CRYL1: variants seen among roughly 807,000 people sequenced by gnomAD.
CRYL1 encodes the protein crystallin lambda 1.
In CRYL1, 29 loss-of-function variants were observed where a neutral mutation model predicts 36.6. That is an observed-to-expected ratio of 0.79 (90% CI 0.59 to 1.08). CRYL1 has a LOEUF of 1.08. CRYL1 is among the 50% of genes least tolerant of loss of function. The pLI is 0.00. For synonymous variants in CRYL1, 152 were observed against 151.5 expected (o/e 1.00, Z -0.02); for missense variants, 411 against 407.9 (o/e 1.01, Z -0.06).
At chr13:20,427,044 A>G (rs1337263032) in intron 5 of CRYL1, 1 of 985,516 alleles carries the variant, frequency 1.0e-6, no homozygotes, top group Non-Finnish European at 1.2e-6. Flanking sequence ...GCACCTCCAC[A>G]TACCCTGCCC....
intron 3 of CRYL1, among the ~76,000 whole-genome samples, chr13:20,458,898 A>T (rs1332844021): frequency 6.6e-6 from 1 of 152,204 alleles, no homozygotes; most frequent in Non-Finnish European, 1.5e-5. Context: ...GTGCCCTTTT[A>T]AAAAACATTT....
rs1211023567 is a variant in CRYL1 at position 20,425,642 on chromosome 13, A to AC, written c.633+6459dup. On this transcript the variant is annotated intron_variant, in intron 5 of 7. Transcript: ENST00000298248. The surrounding 1 kb of genome is among the most constrained non-coding windows in gnomAD (Gnocchi z 4.4). ...CAAAGGACCATTCACCTCCAAGTGA[A>AC]CATAGCACATGTGAGAGAAATGTAA... 6.6e-6 allele frequency among the ~76,000 whole-genome samples: 1 copy of AC among 152,208 alleles called. No individual in the cohort carries two copies. The highest frequency in any genetic ancestry group is 1.5e-5 in the Non-Finnish European group (1 of 68,026).
chr13:20,480,636 C>T (rs1593474737), intron 3 of CRYL1, among the ~76,000 whole-genome samples: 2 of 152,204 alleles, frequency 1.3e-5, no homozygotes, highest in African/African-American at 4.8e-5. Context: ...GCAGGTCCCA[C>T]GATGTCTGAG....
At chr13:20,504,247 C>T (rs2033753080) in intron 2 of CRYL1, among the ~76,000 whole-genome samples, 1 of 151,638 alleles carries the variant, frequency 6.6e-6, no homozygotes. Context: ...TCTGTAGGTC[C>T]GTGTTACAAC....
chr13:20,510,543 T>C (rs556855810), intron 2 of CRYL1, among the ~76,000 whole-genome samples: 1 of 151,754 alleles, frequency 6.6e-6, no homozygotes, highest in Admixed American at 6.6e-5. Context: ...TTCTGTGTAA[T>C]ACTACAAGGG....
At chr13:20,406,236 A>G (rs1172549125) in intron 6 of CRYL1, 2 of 152,104 alleles carry the variant, frequency 1.3e-5, no homozygotes, top group Non-Finnish European at 2.9e-5. Context: ...TAAAATACGA[A>G]CCATCGGTAC....
intron 2 of CRYL1, among the ~76,000 whole-genome samples, chr13:20,501,575 T>C (rs6490589): frequency 0.87 from 132,598 of 152,210 alleles, 60,390 homozygotes; most frequent in East Asian, 1. Context: ...GGTCTGAGGA[T>C]CTGAAGAGCT....
At chr13:20,511,173 C>G (rs1249152279) in intron 2 of CRYL1, among the ~76,000 whole-genome samples, 1 of 152,176 alleles carries the variant, frequency 6.6e-6, no homozygotes, top group East Asian at 1.9e-4. Flanking sequence ...TAGCCTGGAA[C>G]TACTGGGCTC....
chr13:20,471,880 TCTCA>T (rs1220515361), intron 3 of CRYL1, among the ~76,000 whole-genome samples: 2 of 151,820 alleles, frequency 1.3e-5, no homozygotes, highest in Non-Finnish European at 2.9e-5. Context: ...TGAGACGTAG[TCTCA>T]CTCTTGTTGC....
intron 2 of CRYL1, among the ~76,000 whole-genome samples, chr13:20,507,420 A>G (rs2033812826): frequency 1.3e-5 from 2 of 152,190 alleles, no homozygotes; most frequent in African/African-American, 4.8e-5. Flanking sequence ...AATATTTACT[A>G]TCTGGTCTTT....
chr13:20,433,366 A>T (rs1262520630), intron 4 of CRYL1, among the ~76,000 whole-genome samples: 1 of 152,234 alleles, frequency 6.6e-6, no homozygotes, highest in Non-Finnish European at 1.5e-5. Flanking sequence ...CAAGTATACC[A>T]CAGCAAACAG....
intron 3 of CRYL1, among the ~76,000 whole-genome samples, chr13:20,453,357 AG>A (rs1337436122): frequency 6.6e-6 from 1 of 152,148 alleles, no homozygotes; most frequent in Non-Finnish European, 1.5e-5. Context: ...TCTACAGTCA[AG>A]GTGAAATTCT....
intron 1 of CRYL1, among the ~76,000 whole-genome samples, chr13:20,514,912 C>CA (rs34317918): frequency 6.6e-6 from 1 of 151,660 alleles, no homozygotes; most frequent in Non-Finnish European, 1.5e-5. Context: ...AACATGTCCA[C>CA]AAAAAAACTT....
At chr13:20,447,055 C>T (rs924144137) in intron 3 of CRYL1, among the ~76,000 whole-genome samples, 2 of 152,198 alleles carry the variant, frequency 1.3e-5, no homozygotes, top group Admixed American at 1.3e-4. Context: ...TGGAGCTGCA[C>T]ACAGATTAAC....
At chr13:20,503,179 A>C (rs148940224) in intron 2 of CRYL1, among the ~76,000 whole-genome samples, 218 of 152,368 alleles carry the variant, frequency 1.4e-3, no homozygotes, top group African/African-American at 5.0e-3. Context: ...AAGAAAAATA[A>C]GGCAAATGAA....
chr13:20,408,789 C>G (rs1313928452), intron 6 of CRYL1, among the ~76,000 whole-genome samples: 1 of 152,010 alleles, frequency 6.6e-6, no homozygotes, highest in Non-Finnish European at 1.5e-5. Flanking sequence ...ATCCAACTTA[C>G]AAGGGATGTG....
At chr13:20,519,561 A>G (rs1176373330) in intron 1 of CRYL1, among the ~76,000 whole-genome samples, 2 of 142,642 alleles carry the variant, frequency 1.4e-5, no homozygotes, top group Admixed American at 7.0e-5. Flanking sequence ...CCAGGAGTTC[A>G]AGACCAGCCT....
chr13:20,426,668 C>A, intron 5 of CRYL1: 1 of 984,700 alleles, frequency 1.0e-6, no homozygotes, highest in Non-Finnish European at 1.2e-6. Context: ...TCAACAGAAA[C>A]CTTTGAATAA....
At chr13:20,450,946 C>T (rs1451582781) in intron 3 of CRYL1, among the ~76,000 whole-genome samples, 1 of 151,584 alleles carries the variant, frequency 6.6e-6, no homozygotes, top group Non-Finnish European at 1.5e-5. Context: ...TCATTCTCAG[C>T]AAACTATCGC....
Sources: allele counts gnomAD v4.1 joint callset (sites outside exome capture counted in the v4.1 genomes callset), GRCh38; gene constraint gnomAD v4.1.1; non-coding constraint Gnocchi (gnomAD v3.1); transcripts MANE v1.5; gene names NCBI Gene and HGNC (gene_info 2026-07-23, HGNC 2026-07-21).